Variants in ABCC2 observed in about 807,000 individuals in gnomAD.
The protein encoded by ABCC2 is ATP-binding cassette sub-family C member 2.
A neutral mutation model predicts 173.4 loss-of-function variants in ABCC2; 157 were observed. The ratio of observed to expected loss-of-function variants is 0.91; its 90% CI spans 0.80 to 1.03. The LOEUF (loss-of-function observed/expected upper bound fraction) is 1.03, where lower values mean the gene tolerates loss of function less well. Ranked by LOEUF, ABCC2 falls within the 50% of genes least tolerant of loss-of-function variation. The pLI is 0.00. For synonymous variants in ABCC2, 657 were observed against 693.5 expected (o/e 0.95, Z 0.83); for missense variants, 1,822 against 1,852.3 (o/e 0.98, Z 0.30).
chr10:99,796,461 G>A (rs768241582), intron 6 of ABCC2, among the ~76,000 whole-genome samples: 9 of 152,094 alleles, frequency 5.9e-5, no homozygotes, highest in African/African-American at 1.7e-4. Flanking sequence ...CCGAGGTCGC[G>A]CCACTGCACT....
intron 19 of ABCC2, among the ~76,000 whole-genome samples, chr10:99,827,694 AT>A (rs1267583074): frequency 6.7e-6 from 1 of 149,564 alleles, no homozygotes; most frequent in Non-Finnish European, 1.5e-5. Context: ...TTGTTCTATT[AT>A]TTGAAATAGC....
rs2038470874 is a variant in ABCC2, at chr10:99,818,815, A to G, written c.2297A>G (p.Lys766Arg). Residue 766 changes from lysine (K) to arginine (R), a missense_variant, in exon 18 of 32, where the codon AAG (lysine) becomes AGG (arginine). By Grantham distance (26) the Lys-to-Arg change is conservative. Transcript: ENST00000647814. ...EKGINLSGGQ[K>R]QRISLARATY... ...GGTATAAATCTTAGTGGGGGTCAGA[A>G]GCAGCGGATCAGCCTGGCCAGAGCT... is the stretch of plus-strand genomic sequence containing the variant. 1 of 1,614,180 alleles carries G rather than the reference A, an allele frequency of 6.2e-7. No homozygotes were observed. Among genetic ancestry groups the G allele is most frequent in the East Asian group, 2.2e-5 (1 of 44,888 alleles).
chr10:99,814,655 A>G (rs1442737736), intron 16 of ABCC2, among the ~76,000 whole-genome samples: 1 of 120,008 alleles, frequency 8.3e-6, no homozygotes, highest in Admixed American at 8.0e-5. Flanking sequence ...ATATACACAC[A>G]CATATGTGTA....
chr10:99,783,740 C>T (rs2037657424), intron 1 of ABCC2, among the ~76,000 whole-genome samples: 2 of 152,098 alleles, frequency 1.3e-5, no homozygotes, highest in Admixed American at 1.3e-4. Context: ...TAGAAAGGAC[C>T]TGGGTCCCAA....
At chr10:99,814,276 C>CATGT (rs1377412314) in intron 16 of ABCC2, among the ~76,000 whole-genome samples, 6 of 43,556 alleles carry the variant, frequency 1.4e-4, no homozygotes, top group African/African-American at 5.4e-4. Context: ...TGTATACACA[C>CATGT]GTATGTATAC....
Position 99,782,836 on chromosome 10 carries a change from C to A in ABCC2, c.-9C>A. On this transcript the variant is annotated 5_prime_UTR_variant, in exon 1 of 32. Transcript: ENST00000647814. The stretch of plus-strand genomic sequence containing the variant: ...GAAGAGTCTTCGTTCCAGACGCAGT[C>A]CAGGAATCATGCTGGAGAAGTTCTG... 6.2e-7 allele frequency: 1 copy of A among 1,613,886 alleles called. No homozygotes were observed. The highest frequency in any genetic ancestry group is 8.5e-7 in the Non-Finnish European group (1 of 1,179,824).
intron 31 of ABCC2, 142 bp from the exon 32 acceptor site, chr10:99,851,360 T>C: frequency 1.2e-6 from 1 of 859,750 alleles, no homozygotes; most frequent in Non-Finnish European, 1.9e-6. Flanking sequence ...TCCATGTTGA[T>C]GTGTGTAGCT....
At chr10:99,845,001 A>T (rs1205011050) in intron 28 of ABCC2, among the ~76,000 whole-genome samples, 1 of 151,960 alleles carries the variant, frequency 6.6e-6, no homozygotes, top group African/African-American at 2.4e-5. Context: ...CTTCTAAACA[A>T]GCATTTTTCT....
At chr10:99,839,030 C>T (rs2038881143) in intron 25 of ABCC2, among the ~76,000 whole-genome samples, 2 of 120,442 alleles carry the variant, frequency 1.7e-5, no homozygotes, top group South Asian at 2.8e-4. Context: ...CCAGTAGGGG[C>T]GGCCGGGCAG....
chr10:99,820,744 C>T (rs1021546796), intron 19 of ABCC2, among the ~76,000 whole-genome samples: 7 of 152,088 alleles, frequency 4.6e-5, no homozygotes, highest in Admixed American at 4.6e-4. Flanking sequence ...CAGAAAGGAG[C>T]AATTGAAAGC....
At chr10:99,813,186 G>A in intron 16 of ABCC2, 42 bp downstream of exon 16, 1 of 1,607,816 alleles carries the variant, frequency 6.2e-7, no homozygotes, top group Non-Finnish European at 8.5e-7. Flanking sequence ...ACTCCCGAAT[G>A]TCAGCAGCTT....
chr10:99,832,336 C>T (rs1298488646), intron 23 of ABCC2, among the ~76,000 whole-genome samples: 1 of 152,118 alleles, frequency 6.6e-6, no homozygotes, highest in African/African-American at 2.4e-5. Context: ...TCAAGTAGCT[C>T]AGCATCTAGT....
chr10:99,789,139 G>A (rs532289277), intron 2 of ABCC2: 1 of 152,562 alleles, frequency 6.6e-6, no homozygotes, highest in Admixed American at 6.5e-5. Flanking sequence ...TCTTCTCCTG[G>A]ATCTTATCTT....
Position 99,819,267 on chromosome 10 carries a change from C to T in ABCC2, c.2618C>T (p.Thr873Ile), listed in dbSNP as rs2038486460. The part of the protein sequence containing the change: ...LRHTGPEEEA[T>I]VHDGSEEEDD... ...CATACAGGCCCTGAAGAGGAAGCCACAGGTATGTAAGAAGGATTGGGACAA... is the reference window on the plus strand; with the variant it reads ...CATACAGGCCCTGAAGAGGAAGCCATAGGTATGTAAGAAGGATTGGGACAA... The change falls in exon 19 of 32, where the codon ACA becomes ATA. Residue 873 changes from threonine to isoleucine, a missense_variant and splice_region_variant. Physicochemically the swap from Thr to Ile is moderately conservative, Grantham distance 89. Transcript: ENST00000647814. The T allele has an allele frequency of 6.2e-7, 1 of 1,613,056 alleles. No individual in the cohort carries two copies. The highest frequency in any genetic ancestry group is 8.5e-7 in the Non-Finnish European group (1 of 1,179,890).
chr10:99,843,991 A>G (rs968109768), intron 27 of ABCC2, 91 bp downstream of exon 27: 8 of 1,129,732 alleles, frequency 7.1e-6, no homozygotes, highest in Non-Finnish European at 1.1e-5. Flanking sequence ...CATATTTTAC[A>G]TGGGCCCATA....
At chr10:99,827,910 G>T (rs539035271) in intron 19 of ABCC2, among the ~76,000 whole-genome samples, 1 of 79,566 alleles carries the variant, frequency 1.3e-5, no homozygotes, top group African/African-American at 5.0e-5. Context: ...CAATGACCAC[G>T]CTCGAGCGTA....
At chr10:99,843,990 C>G in intron 27 of ABCC2, 90 bp downstream of exon 27, 1 of 1,140,380 alleles carries the variant, frequency 8.8e-7, no homozygotes, top group Non-Finnish European at 1.3e-6. Context: ...CCATATTTTA[C>G]ATGGGCCCAT....
intron 16 of ABCC2, among the ~76,000 whole-genome samples, chr10:99,815,912 C>T (rs1479683978): frequency 1.3e-5 from 2 of 151,882 alleles, no homozygotes; most frequent in African/African-American, 4.8e-5. Context: ...TTCTTGCTAA[C>T]TCATAACTGG....
chr10:99,828,827 C>T (rs1263532315), intron 19 of ABCC2, among the ~76,000 whole-genome samples: 2 of 151,972 alleles, frequency 1.3e-5, no homozygotes, highest in Non-Finnish European at 2.9e-5. Context: ...ACATCTCTGC[C>T]TTAGCCTTCA....
Sources: gnomAD v4.1 joint callset for allele counts (sites outside exome capture counted in the v4.1 genomes callset) on GRCh38, gnomAD v4.1.1 for gene constraint, MANE v1.5 for transcripts, NCBI Gene and HGNC (gene_info 2026-07-23, HGNC 2026-07-21) for gene names.